Variants in CBLB observed in about 807,000 individuals in gnomAD.
The protein encoded by CBLB is Cbl proto-oncogene B.
Under a neutral mutation model 104.9 loss-of-function variants are expected in CBLB, and 31 were observed. The ratio of observed to expected loss-of-function variants is 0.30; its 90% CI spans 0.22 to 0.40. The LOEUF (loss-of-function observed/expected upper bound fraction) is 0.40, where lower values mean the gene tolerates loss of function less well. Among genes scored for constraint, CBLB ranks in the 10% least tolerant of loss-of-function variants. The probability of loss-of-function intolerance (pLI) is 1.00; values close to 1 mark genes in which losing one functional copy is unlikely to be tolerated. For synonymous variants in CBLB, 440 were observed against 422.6 expected, an observed-to-expected ratio of 1.04 and a Z score of -0.51; for missense variants, 1,062 against 1,214.6, an observed-to-expected ratio of 0.87 and a Z score of 1.87.
intron 3 of CBLB, among the ~76,000 whole-genome samples, chr3:105,848,927 G>C (rs556702394): frequency 2.0e-5 from 3 of 152,164 alleles, no homozygotes; most frequent in African/African-American, 7.2e-5. Context: ...TGATTGTTTT[G>C]CTTATGTAGA....
chr3:105,745,825 T>A, intron 6 of CBLB, 92 bp downstream of exon 6: 1 of 1,151,608 alleles, frequency 8.7e-7, no homozygotes, highest in Non-Finnish European at 1.3e-6. Context: ...AAGCATGCCA[T>A]CAGCGGGTAT....
chr3:105,682,814 A>G (rs2066482136), intron 14 of CBLB, among the ~76,000 whole-genome samples: 1 of 152,122 alleles, frequency 6.6e-6, no homozygotes, highest in East Asian at 1.9e-4. Flanking sequence ...AATTATTGGT[A>G]TTAATTCTTC....
In CBLB at chr3:105,813,142, C is replaced by T. The variant is rs182688012; in HGVS notation, c.420-36600G>A. On this transcript the variant is annotated intron_variant, in intron 3 of 18. Transcript: ENST00000394030. ...CAAACAAAAGAAGGAAACAATGGCA[C>T]GCCATTTCCCTACAAGAAGGAAGAG... 2.5e-4 allele frequency among the ~76,000 whole-genome samples: 38 copies of T among 152,158 alleles called. No individual in the cohort carries two copies. In the East Asian group the frequency reaches 7.0e-3, roughly 28 times the overall value.
intron 3 of CBLB, among the ~76,000 whole-genome samples, chr3:105,795,723 A>G (rs760291122): frequency 4.6e-5 from 7 of 152,162 alleles, no homozygotes; most frequent in Admixed American, 1.3e-4. Flanking sequence ...GGTGAATACC[A>G]TAACACTGTG....
chr3:105,700,908 A>AG (rs1265814958), intron 12 of CBLB, among the ~76,000 whole-genome samples: 1 of 152,246 alleles, frequency 6.6e-6, no homozygotes, highest in African/African-American at 2.4e-5. Flanking sequence ...CCTGAATATA[A>AG]GATGAACTCA....
intron 17 of CBLB, among the ~76,000 whole-genome samples, chr3:105,677,579 T>A (rs1391113332): frequency 6.6e-6 from 1 of 151,674 alleles, no homozygotes; most frequent in African/African-American, 2.4e-5. Context: ...TTTTCCCAAA[T>A]CAAGTCCAAG....
chr3:105,718,889 C>G (rs2072334549), intron 10 of CBLB, among the ~76,000 whole-genome samples: 1 of 152,160 alleles, frequency 6.6e-6, no homozygotes, highest in Non-Finnish European at 1.5e-5. Context: ...CAGGGAATAG[C>G]CTGATATCCA....
At chr3:105,810,261 C>T (rs2084095685) in intron 3 of CBLB, among the ~76,000 whole-genome samples, 1 of 152,132 alleles carries the variant, frequency 6.6e-6, no homozygotes, top group Admixed American at 6.5e-5. Context: ...TAATTACTTA[C>T]ATTTCCAATT....
At chr3:105,823,982 T>G (rs1474269370) in intron 3 of CBLB, among the ~76,000 whole-genome samples, 3 of 152,194 alleles carry the variant, frequency 2.0e-5, no homozygotes, top group Admixed American at 6.5e-5. Context: ...CCAAATAAAC[T>G]CTGACATTTC....
chr3:105,747,174 A>G (rs2076181825), intron 5 of CBLB, among the ~76,000 whole-genome samples: 1 of 152,186 alleles, frequency 6.6e-6, no homozygotes, highest in African/African-American at 2.4e-5. Flanking sequence ...CATCTCTGCG[A>G]TTTTTTTAAG....
At chr3:105,724,838 T>C (rs1202713769) in intron 9 of CBLB, among the ~76,000 whole-genome samples, 1 of 152,166 alleles carries the variant, frequency 6.6e-6, no homozygotes, top group Non-Finnish European at 1.5e-5. Flanking sequence ...CATTTAATCC[T>C]ATAAGGTAGG....
intron 18 of CBLB, among the ~76,000 whole-genome samples, chr3:105,660,430 G>A (rs2063679442): frequency 1.3e-5 from 2 of 151,720 alleles, no homozygotes; most frequent in Admixed American, 6.6e-5. Flanking sequence ...GACCTCAAGT[G>A]ATCCACCCAC....
chr3:105,741,938 A>T (rs1488090262), intron 6 of CBLB, among the ~76,000 whole-genome samples: 1 of 152,224 alleles, frequency 6.6e-6, no homozygotes, highest in Non-Finnish European at 1.5e-5. Flanking sequence ...TCAGTATCTT[A>T]CAAGGGGAAG....
intron 3 of CBLB, among the ~76,000 whole-genome samples, chr3:105,788,238 T>C (rs1340930945): frequency 6.6e-6 from 1 of 152,106 alleles, no homozygotes; most frequent in African/African-American, 2.4e-5. Context: ...AAGACAATTA[T>C]CCCGCCACAT....
intron 17 of CBLB, 79 bp from the exon 18 acceptor site, chr3:105,670,431 T>C: frequency 8.9e-7 from 1 of 1,123,342 alleles, no homozygotes; most frequent in South Asian, 1.3e-5. Flanking sequence ...AGAATTATTT[T>C]ATGAAGATTA....
intron 3 of CBLB, among the ~76,000 whole-genome samples, chr3:105,841,665 G>C (rs1397169878): frequency 6.6e-6 from 1 of 151,924 alleles, no homozygotes; most frequent in African/African-American, 2.4e-5. Context: ...ATGTTAGCCA[G>C]GATGGTCTCG....
In CBLB at chr3:105,797,499, T is replaced by C. The variant is rs556399013; in HGVS notation, c.420-20957A>G. 5.9e-5 allele frequency among the ~76,000 whole-genome samples: 9 copies of C among 152,248 alleles called. No homozygotes were observed. The East Asian group carries it at 1.7e-3, about 29-fold the overall frequency. On this transcript the variant is annotated intron_variant, in intron 3 of 18. Coordinates refer to ENST00000394030, the MANE Select transcript of CBLB (RefSeq NM_170662.5). ...AAAAACTACCCATGGGGAACTATGCTTATTACCTGGGTGATGAAATAATCT... is the reference window on the plus strand; with the variant it reads ...AAAAACTACCCATGGGGAACTATGCCTATTACCTGGGTGATGAAATAATCT...
intron 13 of CBLB, among the ~76,000 whole-genome samples, chr3:105,690,871 TAC>T (rs2067604650): frequency 6.6e-6 from 1 of 151,138 alleles, no homozygotes; most frequent in African/African-American, 2.4e-5. Context: ...TCAGGTGTGG[TAC>T]ACAGTCTGAT....
intron 13 of CBLB, among the ~76,000 whole-genome samples, chr3:105,688,022 A>C (rs1370770702): frequency 2.0e-5 from 3 of 152,074 alleles, no homozygotes; most frequent in Admixed American, 2.0e-4. Context: ...TAACAGGTAA[A>C]ATAATTAGAT....
Sources: gnomAD v4.1 joint callset for allele counts (sites outside exome capture counted in the v4.1 genomes callset) on GRCh38, gnomAD v4.1.1 for gene constraint, MANE v1.5 for transcripts, NCBI Gene and HGNC (gene_info 2026-07-23, HGNC 2026-07-21) for gene names.